The following GCNT1 variants were observed in gnomAD, a reference collection of about 807,000 sequenced individuals.
GCNT1 encodes the protein beta-1,3-galactosyl-O-glycosyl-glycoprotein beta-1,6-N-acetylglucosaminyltransferase.
A neutral mutation model predicts 26.2 loss-of-function variants in GCNT1; 16 were observed. That is an observed-to-expected ratio of 0.61 (90% CI 0.41 to 0.93). GCNT1 has a LOEUF of 0.93. Ranked by LOEUF, GCNT1 falls within the 40% of genes least tolerant of loss-of-function variation. The pLI, the probability that GCNT1 is intolerant of heterozygous loss-of-function variation, is 0.00. For missense variants in GCNT1, 477 were observed against 526.7 expected (o/e 0.91, Z 0.92); for synonymous variants, 183 against 190.8 (o/e 0.96, Z 0.34).
At chr9:76,461,639 A>G (rs1305092272) in intron 2 of GCNT1, among the ~76,000 whole-genome samples, 2 of 151,536 alleles carry the variant, frequency 1.3e-5, no homozygotes, top group African/African-American at 4.8e-5. Flanking sequence ...TGTAATCCCA[A>G]CATTTTGGGA....
chr9:76,411,140 C>T, the GCNT1 span, among the ~76,000 whole-genome samples: 2 of 152,060 alleles, frequency 1.3e-5, no homozygotes, highest in Non-Finnish European at 2.9e-5. Context: ...TTTTAATCCA[C>T]TCTGACAATC....
chr9:76,455,808 G>A (rs1211775001), upstream of GCNT1, among the ~76,000 whole-genome samples: 1 of 152,150 alleles, frequency 6.6e-6, no homozygotes, highest in Non-Finnish European at 1.5e-5. Context: ...CGCCATGTTG[G>A]CTAGGCTGGA....
chr9:76,459,459 G>A (rs1296055327), intron 1 of GCNT1, among the ~76,000 whole-genome samples, 154 bp downstream of exon 1: 1 of 152,206 alleles, frequency 6.6e-6, no homozygotes, highest in African/African-American at 2.4e-5. Flanking sequence ...ACCGGGGTGC[G>A]CCCGGGACCG....
chr9:76,454,803 C>G (rs1016868701), upstream of GCNT1, among the ~76,000 whole-genome samples: 1 of 151,296 alleles, frequency 6.6e-6, no homozygotes, highest in African/African-American at 2.4e-5. Flanking sequence ...GCCCCCCCAG[C>G]CAGGCAAAAC....
At chr9:76,499,626 C>T (rs1170105510) in intron 2 of GCNT1, among the ~76,000 whole-genome samples, 2 of 152,164 alleles carry the variant, frequency 1.3e-5, no homozygotes, top group Non-Finnish European at 2.9e-5. Flanking sequence ...CTCTTTGGCG[C>T]TCATTGAACT....
intron 2 of GCNT1, among the ~76,000 whole-genome samples, chr9:76,497,514 T>C (rs1276878603): frequency 6.6e-6 from 1 of 152,252 alleles, no homozygotes; most frequent in African/African-American, 2.4e-5. Flanking sequence ...ATTTAGCTTC[T>C]TTATAGACAC....
chr9:76,441,056 C>A (rs1823477186), upstream of GCNT1, among the ~76,000 whole-genome samples: 3 of 99,336 alleles, frequency 3.0e-5, no homozygotes, highest in Admixed American at 2.8e-4. Context: ...CAAAGAGAGA[C>A]TCCATCTCAA....
intron 1 of GCNT1, among the ~76,000 whole-genome samples, chr9:76,436,632 A>G (rs1030510568): frequency 6.6e-6 from 1 of 150,900 alleles, no homozygotes; most frequent in African/African-American, 2.4e-5. Context: ...GCACAATAGC[A>G]TATTAAAAAC....
intron 2 of GCNT1, among the ~76,000 whole-genome samples, chr9:76,478,166 A>T (rs2131612039): frequency 6.6e-6 from 1 of 152,326 alleles, no homozygotes; most frequent in South Asian, 2.1e-4. Context: ...AGTAGCGGCA[A>T]CCTGCTCAGG....
In GCNT1 at chr9:76,452,019, A is replaced by T. The variant is rs576853847; in HGVS notation, c.-290+9704A>T. Among the ~76,000 whole-genome samples the T allele has an allele frequency of 3.0e-5, 4 of 132,306 alleles. No homozygotes were observed. In the East Asian group the frequency reaches 8.7e-4, roughly 29 times the overall value. 86.8% of individuals were successfully genotyped at this position (132,306 alleles called of 152,430 possible). A position where few individuals can be genotyped will look rare whatever the true frequency, so the allele number is the denominator to read the frequency against. On this transcript the variant is annotated intron_variant, in intron 1 of 2. Coordinates refer to the GCNT1 transcript ENST00000442371. ...AGTCTCTCTCTGTCGCCCAGGCTGG[A>T]GTGCAATGGTGTGATCTCGGCTTAC...
At chr9:76,472,389 G>C (rs1824149577) in intron 2 of GCNT1, among the ~76,000 whole-genome samples, 1 of 152,202 alleles carries the variant, frequency 6.6e-6, no homozygotes, top group Admixed American at 6.5e-5. Context: ...CAAAAAAGTA[G>C]AATTGAGTGA....
chr9:76,429,928 A>T (rs1194486336), intron 1 of GCNT1, among the ~76,000 whole-genome samples: 1 of 151,878 alleles, frequency 6.6e-6, no homozygotes, highest in African/African-American at 2.4e-5. Flanking sequence ...GTTAGCCAGG[A>T]TGGTCTCGAT....
the GCNT1 span, among the ~76,000 whole-genome samples, chr9:76,409,776 T>C: frequency 2.0e-5 from 3 of 152,128 alleles, no homozygotes; most frequent in South Asian, 6.2e-4. Flanking sequence ...CTAATTTTTA[T>C]TATTTCTTTT....
upstream of GCNT1, among the ~76,000 whole-genome samples, chr9:76,454,300 C>G (rs1267503511): frequency 2.1e-5 from 3 of 140,646 alleles, no homozygotes; most frequent in Admixed American, 2.3e-4. Context: ...CGCTTGAACC[C>G]GGGAGGCGGA....
At chr9:76,394,299 C>T in the GCNT1 span, 2 of 855,898 alleles carry the variant, frequency 2.3e-6, no homozygotes, top group Non-Finnish European at 3.4e-6. Context: ...CGCGGGGGCG[C>T]ACCAGTGGCC....
At chr9:76,483,760 C>T (rs1254397773) in intron 2 of GCNT1, among the ~76,000 whole-genome samples, 1 of 152,144 alleles carries the variant, frequency 6.6e-6, no homozygotes, top group Admixed American at 6.5e-5. Flanking sequence ...CCAAAACCCT[C>T]CACCACACTT....
At chr9:76,430,634 C>T (rs1823326318) in intron 1 of GCNT1, among the ~76,000 whole-genome samples, 1 of 152,128 alleles carries the variant, frequency 6.6e-6, no homozygotes, top group East Asian at 1.9e-4. Flanking sequence ...CATCCTCCTT[C>T]CTTGGTCTCC....
chr9:76,456,312 A>C (rs994087656), upstream of GCNT1, among the ~76,000 whole-genome samples: 5 of 152,038 alleles, frequency 3.3e-5, no homozygotes, highest in Admixed American at 6.6e-5. Flanking sequence ...TGTTTGTTTT[A>C]ATCCACCCTC....
chr9:76,433,690 T>C (rs1250516301), intron 1 of GCNT1, among the ~76,000 whole-genome samples: 1 of 152,172 alleles, frequency 6.6e-6, no homozygotes, highest in Admixed American at 6.5e-5. Context: ...GGGTGCCTCT[T>C]GCAGGGAGCC....
Sources: gnomAD v4.1 joint callset for allele counts (sites outside exome capture counted in the v4.1 genomes callset) on GRCh38, gnomAD v4.1.1 for gene constraint, MANE v1.5 for transcripts, NCBI Gene and HGNC (gene_info 2026-07-23, HGNC 2026-07-21) for gene names.